The following FMNL2 variants were observed in gnomAD, a reference collection of about 807,000 sequenced individuals.
FMNL2 encodes formin like 2.
In FMNL2, 51 loss-of-function variants were observed where a neutral mutation model predicts 130.2. That is an observed-to-expected ratio of 0.39 (90% CI 0.31 to 0.49). FMNL2 has a LOEUF of 0.49. Among genes scored for constraint, FMNL2 ranks in the 20% least tolerant of loss-of-function variants. The pLI is 0.85. For synonymous variants in FMNL2, 465 were observed against 467.1 expected (o/e 1.00, Z 0.06); for missense variants, 977 against 1,316.2 (o/e 0.74, Z 3.99).
At chr2:152,424,584 C>T (rs548256236) in intron 1 of FMNL2, among the ~76,000 whole-genome samples, 219 of 152,084 alleles carry the variant, frequency 1.4e-3, no homozygotes, top group Admixed American at 2.7e-3. Context: ...AGAGACAGGG[C>T]TTCACCATGT....
chr2:152,380,053 A>T (rs986182063), intron 1 of FMNL2, among the ~76,000 whole-genome samples: 3 of 152,156 alleles, frequency 2.0e-5, no homozygotes, highest in Admixed American at 2.0e-4. Context: ...TTCAACATGG[A>T]TCTATCTGGT....
intron 1 of FMNL2, among the ~76,000 whole-genome samples, chr2:152,390,796 G>C (rs1579551663): frequency 1.3e-5 from 2 of 152,146 alleles, no homozygotes; most frequent in Admixed American, 1.3e-4. Flanking sequence ...TGGGGCTTGG[G>C]GTCTTGTCTT....
chr2:152,470,097 A>G (rs1239422733), intron 1 of FMNL2, among the ~76,000 whole-genome samples: 1 of 152,218 alleles, frequency 6.6e-6, no homozygotes, highest in African/African-American at 2.4e-5. Context: ...TTAAAATTTC[A>G]AATAGATTTG....
intron 1 of FMNL2, among the ~76,000 whole-genome samples, chr2:152,346,757 A>G (rs1305937684): frequency 1.3e-5 from 2 of 152,104 alleles, no homozygotes; most frequent in African/African-American, 4.8e-5. Flanking sequence ...TTAGAATGAT[A>G]TTACCTGATC....
intron 1 of FMNL2, among the ~76,000 whole-genome samples, chr2:152,426,488 T>C (rs1255191544): frequency 6.6e-6 from 1 of 152,250 alleles, no homozygotes; most frequent in Non-Finnish European, 1.5e-5. Context: ...ATTGTTTGTA[T>C]GTATAGTTCT....
intron 7 of FMNL2, among the ~76,000 whole-genome samples, chr2:152,576,313 A>T (rs985127294): frequency 2.0e-5 from 3 of 152,196 alleles, no homozygotes; most frequent in Admixed American, 6.5e-5. Context: ...AGCATTGAAT[A>T]AATCTGTGGC....
chr2:152,483,047 C>G (rs1485361330), intron 1 of FMNL2, among the ~76,000 whole-genome samples: 1 of 152,114 alleles, frequency 6.6e-6, no homozygotes, highest in Non-Finnish European at 1.5e-5. Context: ...AATCCCTTCC[C>G]ATGTAAAATT....
At chr2:152,446,861 C>G (rs1688368542) in intron 1 of FMNL2, among the ~76,000 whole-genome samples, 1 of 152,100 alleles carries the variant, frequency 6.6e-6, no homozygotes, top group South Asian at 2.1e-4. Flanking sequence ...CTGGTGCTCA[C>G]TGTGATGTGT....
At chr2:152,564,820 C>CA (rs369820062) in intron 6 of FMNL2, among the ~76,000 whole-genome samples, 32 of 109,352 alleles carry the variant, frequency 2.9e-4, no homozygotes, top group African/African-American at 1.0e-3. Context: ...AATGTTGACA[C>CA]ACATTTTCCT....
intron 3 of FMNL2, among the ~76,000 whole-genome samples, chr2:152,545,511 A>T (rs1403548603): frequency 6.6e-6 from 1 of 152,218 alleles, no homozygotes; most frequent in Non-Finnish European, 1.5e-5. Flanking sequence ...CCTAAATTAG[A>T]TATCTCTATG....
intron 1 of FMNL2, among the ~76,000 whole-genome samples, chr2:152,447,811 C>T (rs901813900): frequency 3.3e-5 from 5 of 152,098 alleles, no homozygotes; most frequent in African/African-American, 9.7e-5. Context: ...TTGGACCAAA[C>T]GACTTAGCAT....
chr2:152,337,927 T>C (rs1213178808), intron 1 of FMNL2, among the ~76,000 whole-genome samples: 1 of 152,064 alleles, frequency 6.6e-6, no homozygotes, highest in Non-Finnish European at 1.5e-5. Flanking sequence ...CCAGGTCAGC[T>C]CCACTTGCTC....
chr2:152,515,215 C>T (rs556074911), intron 1 of FMNL2, among the ~76,000 whole-genome samples: 18 of 152,280 alleles, frequency 1.2e-4, no homozygotes, highest in African/African-American at 4.3e-4. Context: ...ATGGCTCCTT[C>T]TCTGAGGTTC....
At chr2:152,441,080 A>G (rs13390698) in intron 1 of FMNL2, among the ~76,000 whole-genome samples, 18,435 of 152,292 alleles carry the variant, frequency 0.12, 1,408 homozygotes, top group East Asian at 0.26. Context: ...TGTGCAGAGC[A>G]CTAAATGGGT....
intron 9 of FMNL2, among the ~76,000 whole-genome samples, chr2:152,601,209 C>T (rs534621665): frequency 6.6e-6 from 1 of 152,232 alleles, no homozygotes; most frequent in East Asian, 1.9e-4. Flanking sequence ...ACTTGGAATT[C>T]CCCCTTACTC....
intron 12 of FMNL2, 63 bp downstream of exon 12, chr2:152,615,063 T>C: frequency 6.4e-7 from 1 of 1,562,050 alleles, no homozygotes; most frequent in South Asian, 1.1e-5. Flanking sequence ...GCAGAATTAA[T>C]GTCAGCTTTT....
rs1682072689 is a variant in FMNL2, at chr2:152,630,296, G to GAT, written c.2550+392_2550+393insTA. Among the ~76,000 whole-genome samples, 3 of 152,200 alleles carry GAT rather than the reference G, an allele frequency of 2.0e-5. No homozygotes were observed. The South Asian group carries it at 6.2e-4, about 31-fold the overall frequency. On this transcript the variant is annotated intron_variant, in intron 20 of 25. Coordinates refer to ENST00000288670, the MANE Select transcript of FMNL2 (RefSeq NM_052905.4). ...CCAAGAAAGATTTGTGTTTAGAAAAGAAAGCAGGGTATGCTTTGCATGTAC... is the reference window on the plus strand; with the variant it reads ...CCAAGAAAGATTTGTGTTTAGAAAAGATAAAGCAGGGTATGCTTTGCATGTAC...
intron 9 of FMNL2, among the ~76,000 whole-genome samples, chr2:152,599,350 A>G (rs1039879369): frequency 7.2e-6 from 1 of 138,256 alleles, no homozygotes; most frequent in Non-Finnish European, 1.5e-5. Context: ...GAAAGAGATC[A>G]TTTATGACCT....
chr2:152,596,785 C>T (rs1697794738), intron 9 of FMNL2, among the ~76,000 whole-genome samples: 3 of 152,180 alleles, frequency 2.0e-5, no homozygotes, highest in Admixed American at 6.5e-5. Context: ...TAGCCTCACA[C>T]AGATATGTAG....
Sources: gnomAD v4.1 joint callset for allele counts (sites outside exome capture counted in the v4.1 genomes callset) on GRCh38, gnomAD v4.1.1 for gene constraint, MANE v1.5 for transcripts, NCBI Gene and HGNC (gene_info 2026-07-23, HGNC 2026-07-21) for gene names.